UNC13A: variants seen among roughly 807,000 people sequenced by gnomAD.
UNC13A encodes the protein unc-13 homolog A.
A neutral mutation model predicts 219.7 loss-of-function variants in UNC13A; 61 were observed. That is an observed-to-expected ratio of 0.28 (90% CI 0.23 to 0.34). The LOEUF is 0.34. UNC13A is among the 10% of genes least tolerant of loss of function. The pLI is 1.00. For synonymous variants in UNC13A, 920 were observed against 884.6 expected, an observed-to-expected ratio of 1.04 and a Z score of -0.71; for missense variants, 1,476 against 2,270.3, an observed-to-expected ratio of 0.65 and a Z score of 7.11.
At chr19:17,650,333 G>T (rs773687275) in intron 12 of UNC13A, among the ~76,000 whole-genome samples, 12 of 152,060 alleles carry the variant, frequency 7.9e-5, no homozygotes, top group Non-Finnish European at 1.6e-4. Flanking sequence ...GACCAACATG[G>T]TGAAACCCCG....
chr19:17,618,326 A>G, intron 40 of UNC13A, 95 bp downstream of exon 40: 1 of 1,326,022 alleles, frequency 7.5e-7, no homozygotes, highest in Non-Finnish European at 1.1e-6. Context: ...AATTGAACAA[A>G]TTAATGTGGG....
intron 1 of UNC13A, among the ~76,000 whole-genome samples, chr19:17,680,863 C>CT (rs2079994220): frequency 1.0e-5 from 1 of 95,760 alleles, no homozygotes; most frequent in South Asian, 3.6e-4. Flanking sequence ...TTCTCTTCTT[C>CT]TTCTTCTTTT....
chr19:17,643,072 C>CACG, intron 19 of UNC13A, 112 bp from the exon 20 acceptor site: 1 of 774,234 alleles, frequency 1.3e-6, no homozygotes, highest in Non-Finnish European at 2.1e-6. Context: ...AGTGCAGTGG[C>CACG]ACGATCTCAG....
At chr19:17,639,287 C>T (rs1346150994) in intron 24 of UNC13A, 70 bp from the exon 25 acceptor site, 5 of 1,602,028 alleles carry the variant, frequency 3.1e-6, no homozygotes, top group Non-Finnish European at 4.3e-6. Flanking sequence ...GACTGCGAGT[C>T]ATTTTGGGTT....
chr19:17,614,581 G>A (rs1252952628), intron 41 of UNC13A, among the ~76,000 whole-genome samples: 1 of 151,514 alleles, frequency 6.6e-6, no homozygotes, highest in Non-Finnish European at 1.5e-5. Context: ...CCCCATGCAC[G>A]GGGAGAAGAA....
At chr19:17,675,509 G>A (rs1442069395) in intron 2 of UNC13A, among the ~76,000 whole-genome samples, 1 of 151,408 alleles carries the variant, frequency 6.6e-6, no homozygotes, top group Non-Finnish European at 1.5e-5. Context: ...GAGGGCGCCT[G>A]TAATCCCAGC....
intron 4 of UNC13A, among the ~76,000 whole-genome samples, chr19:17,669,943 CTTTTCTT>C (rs1321908821): frequency 1.5e-4 from 13 of 87,402 alleles, no homozygotes; most frequent in East Asian, 1.5e-3. Context: ...TTTTTCTTTT[CTTTTCTT>C]TTTTTTTTTT....
chr19:17,617,704 T>A lies in UNC13A; in HGVS notation c.4556A>T (p.Gln1519Leu), dbSNP rs745678929. ...IKTFVQTQSA[Q>L]GLGVEDPVGE... Reference sequence around the variant, plus strand: ...TGATGCGGTCTGGGTACCCTTACCCTGGGCCGATTGCGTCTGTACAAAGGT... The same window carrying A: ...TGATGCGGTCTGGGTACCCTTACCCAGGGCCGATTGCGTCTGTACAAAGGT... Residue 1519 changes from glutamine (Q) to leucine (L), a missense_variant and splice_region_variant, in exon 41 of 44, where the codon CAG becomes CTG. Physicochemically the swap from Gln to Leu is moderately radical, Grantham distance 113 (BLOSUM62 -2). Coordinates refer to ENST00000519716, the MANE Select transcript of UNC13A (RefSeq NM_001080421.3). The A allele has an allele frequency of 8.1e-6, 13 of 1,613,578 alleles. No individual in the cohort carries two copies. In the South Asian group the frequency reaches 1.4e-4, roughly 18 times the overall value.
intron 1 of UNC13A, among the ~76,000 whole-genome samples, chr19:17,676,768 C>T (rs914356310): frequency 1.2e-4 from 18 of 152,186 alleles, no homozygotes; most frequent in Admixed American, 1.2e-3. Context: ...AACCCCAGCA[C>T]TTTAGGTGGC....
chr19:17,665,342 C>A (rs1281616976), intron 7 of UNC13A, among the ~76,000 whole-genome samples: 1 of 152,126 alleles, frequency 6.6e-6, no homozygotes, highest in African/African-American at 2.4e-5. Flanking sequence ...CACCACAGAG[C>A]AATGGGAAGT....
intron 1 of UNC13A, among the ~76,000 whole-genome samples, chr19:17,680,785 G>A (rs2079992455): frequency 6.8e-6 from 1 of 147,686 alleles, no homozygotes. Context: ...ATTTGGTTGT[G>A]TTCTAAAGGT....
At chr19:17,634,111 G>A (rs111975296) in intron 26 of UNC13A, among the ~76,000 whole-genome samples, 346 of 151,478 alleles carry the variant, frequency 2.3e-3, no homozygotes, top group African/African-American at 7.5e-3. Context: ...CCACCTACCC[G>A]TCTATCTGTT....
In UNC13A at chr19:17,672,989, G is replaced by A. The variant is rs117442304; in HGVS notation, c.153-494C>T. ...CTCGCCCTAGACATATGTGAATTCG[G>A]GGGAGCAGGAAACTTGGTGAAATGT... is the stretch of plus-strand genomic sequence containing the variant. On this transcript the variant is annotated intron_variant, in intron 3 of 43. Coordinates refer to ENST00000519716, the MANE Select transcript of UNC13A (RefSeq NM_001080421.3). 5.9e-3 allele frequency among the ~76,000 whole-genome samples: 905 copies of A among 152,216 alleles called. 4 individuals carry two copies. Among genetic ancestry groups the A allele is most frequent in the Non-Finnish European group, 0.01 (684 of 68,012 alleles).
chr19:17,626,923 G>T (rs1305106440), intron 33 of UNC13A, 138 bp from the exon 34 acceptor site: 5 of 1,314,214 alleles, frequency 3.8e-6, no homozygotes, highest in African/African-American at 3.0e-5. Context: ...GCCAGATGCG[G>T]TGGCTCACGC....
chr19:17,639,972 C>T (rs994651640), intron 22 of UNC13A, 64 bp from the exon 23 acceptor site: 29 of 1,516,982 alleles, frequency 1.9e-5, no homozygotes, highest in Non-Finnish European at 1.9e-5. Context: ...AGTGGCTGAG[C>T]GCCTACTGTA....
At chr19:17,633,821 C>A (rs1464574536) in intron 26 of UNC13A, among the ~76,000 whole-genome samples, 1 of 151,930 alleles carries the variant, frequency 6.6e-6, no homozygotes, top group Admixed American at 6.6e-5. Context: ...GTTCATCCAT[C>A]TATCCCTCTA....
intron 43 of UNC13A, among the ~76,000 whole-genome samples, chr19:17,606,641 C>T (rs909905812): frequency 6.6e-6 from 1 of 152,158 alleles, no homozygotes; most frequent in Non-Finnish European, 1.5e-5. Context: ...TCCCGCCCCT[C>T]AGACACCGCC....
Position 17,654,227 on chromosome 19 carries a change from C to G in UNC13A, c.1392+1047G>C, listed in dbSNP as rs564381485. Among the ~76,000 whole-genome samples the G allele has an allele frequency of 2.1e-4, 32 of 152,214 alleles. No homozygotes were observed. In the East Asian group the frequency reaches 6.2e-3, roughly 29 times the overall value. Reference sequence around the variant, plus strand: ...GAAACCCAGAGAGCCTTCCATGTGTCTTTTTCTTGTCATATTACTAGTTCC... The same window carrying G: ...GAAACCCAGAGAGCCTTCCATGTGTGTTTTTCTTGTCATATTACTAGTTCC... On this transcript the variant is annotated intron_variant, in intron 11 of 43. Coordinates refer to ENST00000519716, the MANE Select transcript of UNC13A (RefSeq NM_001080421.3).
At chr19:17,684,857 A>G (rs1173373509) in intron 1 of UNC13A, among the ~76,000 whole-genome samples, 1 of 152,222 alleles carries the variant, frequency 6.6e-6, no homozygotes, top group Non-Finnish European at 1.5e-5. Context: ...ACTACATCAG[A>G]GACACACTGG....
Sources: gnomAD v4.1 joint callset for allele counts (sites outside exome capture counted in the v4.1 genomes callset) on GRCh38, gnomAD v4.1.1 for gene constraint, MANE v1.5 for transcripts, NCBI Gene and HGNC (gene_info 2026-07-23, HGNC 2026-07-21) for gene names.